Variants in ARHGAP15 observed in about 807,000 individuals in gnomAD.
The protein encoded by ARHGAP15 is Rho GTPase activating protein 15, also known as rho GTPase-activating protein 15.
A neutral mutation model predicts 63.7 loss-of-function variants in ARHGAP15; 51 were observed. The observed-to-expected ratio is 0.80, with a 90% CI of 0.64 to 1.01. ARHGAP15 has a LOEUF of 1.01. Ranked by LOEUF, ARHGAP15 falls within the 50% of genes least tolerant of loss-of-function variation. ARHGAP15 has a pLI of 0.00. For synonymous variants in ARHGAP15, 191 were observed against 193.8 expected (o/e 0.99, Z 0.12); for missense variants, 560 against 564.6 (o/e 0.99, Z 0.08).
intron 11 of ARHGAP15, among the ~76,000 whole-genome samples, chr2:143,580,985 A>G (rs1390342514): frequency 1.3e-5 from 2 of 152,204 alleles, no homozygotes; most frequent in East Asian, 1.9e-4. Context: ...AGTTTTGAAC[A>G]GTAGTATCTT....
At chr2:143,664,476 A>G (rs1018557220) in intron 12 of ARHGAP15, among the ~76,000 whole-genome samples, 40 of 152,138 alleles carry the variant, frequency 2.6e-4, no homozygotes, top group African/African-American at 9.4e-4. Flanking sequence ...TAAAGATCCA[A>G]AATTGGCACC....
At chr2:143,491,205 A>C (rs764539464) in intron 9 of ARHGAP15, among the ~76,000 whole-genome samples, 1 of 152,152 alleles carries the variant, frequency 6.6e-6, no homozygotes, top group Non-Finnish European at 1.5e-5. Flanking sequence ...TTAACATATA[A>C]ATTATAGGCA....
intron 11 of ARHGAP15, among the ~76,000 whole-genome samples, chr2:143,569,007 C>A (rs917915355): frequency 2.0e-5 from 3 of 152,058 alleles, no homozygotes; most frequent in African/African-American, 4.8e-5. Context: ...ACACCAGGGC[C>A]TGTCATAGGA....
At chr2:143,593,909 T>C (rs927319424) in intron 11 of ARHGAP15, among the ~76,000 whole-genome samples, 10 of 152,168 alleles carry the variant, frequency 6.6e-5, no homozygotes, top group Admixed American at 2.6e-4. Context: ...ACAAAAATGA[T>C]TGAAATGGAA....
At chr2:143,681,065 C>T (rs540018438) in intron 12 of ARHGAP15, among the ~76,000 whole-genome samples, 22 of 152,304 alleles carry the variant, frequency 1.4e-4, no homozygotes, top group East Asian at 1.4e-3. Flanking sequence ...CTTGAAAATG[C>T]ACACCTTTCG....
intron 6 of ARHGAP15, among the ~76,000 whole-genome samples, chr2:143,330,481 A>T (rs1469400031): frequency 1.3e-5 from 2 of 152,214 alleles, no homozygotes; most frequent in Non-Finnish European, 2.9e-5. Flanking sequence ...ATAAGTAGCC[A>T]TGTATGATTC....
At chr2:143,554,181 A>T (rs918039165) in intron 10 of ARHGAP15, among the ~76,000 whole-genome samples, 1 of 152,220 alleles carries the variant, frequency 6.6e-6, no homozygotes, top group African/African-American at 2.4e-5. Context: ...TTTAGAGAAC[A>T]TAGACCCACA....
intron 12 of ARHGAP15, among the ~76,000 whole-genome samples, chr2:143,675,511 T>G (rs973715972): frequency 1.3e-5 from 2 of 152,218 alleles, no homozygotes; most frequent in Non-Finnish European, 2.9e-5. Context: ...ATTTCTTAAA[T>G]AATCAGACTT....
chr2:143,616,223 A>T (rs1698444942), intron 11 of ARHGAP15, among the ~76,000 whole-genome samples: 1 of 152,198 alleles, frequency 6.6e-6, no homozygotes, highest in Admixed American at 6.5e-5. Flanking sequence ...TGCCATTATA[A>T]ATTAAAAATG....
chr2:143,320,412 C>CCCCCCCCCCCCG (rs1683962345), intron 6 of ARHGAP15, among the ~76,000 whole-genome samples: 1 of 50,958 alleles, frequency 2.0e-5, no homozygotes, highest in African/African-American at 5.4e-5. Context: ...TTCCCCACCC[C>CCCCCCCCCCCCG]CCCCCCCCCC....
chr2:143,519,222 G>T, intron 9 of ARHGAP15, 44 bp from the exon 10 acceptor site: 1 of 1,414,556 alleles, frequency 7.1e-7, no homozygotes, highest in Non-Finnish European at 1.0e-6. Context: ...AAAGAACAAC[G>T]CAAGCTTGGA....
At chr2:143,720,055 A>C (rs1028761357) in intron 13 of ARHGAP15, among the ~76,000 whole-genome samples, 1 of 152,206 alleles carries the variant, frequency 6.6e-6, no homozygotes, top group African/African-American at 2.4e-5. Flanking sequence ...TTCTGATCCC[A>C]AAGCACTTTT....
intron 6 of ARHGAP15, among the ~76,000 whole-genome samples, chr2:143,396,951 C>A (rs1295880688): frequency 6.6e-6 from 1 of 152,064 alleles, no homozygotes; most frequent in African/African-American, 2.4e-5. Context: ...TATAGTGAGG[C>A]AATGACTCAC....
chr2:143,530,838 T>G (rs971197809), intron 10 of ARHGAP15, among the ~76,000 whole-genome samples: 1 of 152,208 alleles, frequency 6.6e-6, no homozygotes, highest in Non-Finnish European at 1.5e-5. Flanking sequence ...TTTAGTATCA[T>G]CAGCAAATTT....
chr2:143,331,754 A>T (rs150520065), intron 6 of ARHGAP15, among the ~76,000 whole-genome samples: 1 of 152,150 alleles, frequency 6.6e-6, no homozygotes, highest in African/African-American at 2.4e-5. Flanking sequence ...CTTCTGAGGT[A>T]AAGAGAAATG....
At chr2:143,752,850 A>C (rs1686432249) in intron 13 of ARHGAP15, among the ~76,000 whole-genome samples, 1 of 152,176 alleles carries the variant, frequency 6.6e-6, no homozygotes, top group Non-Finnish European at 1.5e-5. Flanking sequence ...TGACTGACTG[A>C]GTAGGGGCCA....
At chr2:143,525,389 ACTTTTT>A (rs1694226649) in intron 10 of ARHGAP15, among the ~76,000 whole-genome samples, 1 of 151,358 alleles carries the variant, frequency 6.6e-6, no homozygotes, top group Non-Finnish European at 1.5e-5. Flanking sequence ...CAAGATAAGC[ACTTTTT>A]CTTTTTCCCT....
intron 9 of ARHGAP15, among the ~76,000 whole-genome samples, chr2:143,510,970 C>G (rs746463498): frequency 3.3e-5 from 5 of 152,320 alleles, no homozygotes; most frequent in African/African-American, 1.2e-4. Flanking sequence ...TTAACTGCCT[C>G]TATTGAGCAG....
intron 4 of ARHGAP15, among the ~76,000 whole-genome samples, chr2:143,221,034 G>A (rs911603537): frequency 6.6e-6 from 1 of 152,008 alleles, no homozygotes; most frequent in East Asian, 1.9e-4. Context: ...CTTGAAACAC[G>A]TTTGCTTTAT....
Sources: gnomAD v4.1 joint callset for allele counts (sites outside exome capture counted in the v4.1 genomes callset) on GRCh38, gnomAD v4.1.1 for gene constraint, MANE v1.5 for transcripts, NCBI Gene and HGNC (gene_info 2026-07-23, HGNC 2026-07-21) for gene names.